Variants in CLSTN2 observed in about 807,000 individuals in gnomAD.
CLSTN2 encodes calsyntenin 2.
Under a neutral mutation model 101.2 loss-of-function variants are expected in CLSTN2, and 48 were observed. The ratio of observed to expected loss-of-function variants is 0.47; its 90% CI spans 0.38 to 0.60. The LOEUF (loss-of-function observed/expected upper bound fraction) is 0.60, where lower values mean the gene tolerates loss of function less well. CLSTN2 is among the 20% of genes least tolerant of loss of function. The pLI is 0.00. For missense variants in CLSTN2, 1,160 were observed against 1,238.2 expected (o/e 0.94, Z 0.95); for synonymous variants, 481 against 463.6 (o/e 1.04, Z -0.48).
Position 140,245,101 on chromosome 3 carries a change from C to G in CLSTN2, c.232+69028C>G, listed in dbSNP as rs557824187. On this transcript the variant is annotated intron_variant, in intron 2 of 16. Transcript: ENST00000458420. ...TTCGGGAGACCCTGATCTAGTTATTCTGGTATGTGTGGCATCTGTCTTCTA... is the reference window on the plus strand; with the variant it reads ...TTCGGGAGACCCTGATCTAGTTATTGTGGTATGTGTGGCATCTGTCTTCTA... Among the ~76,000 whole-genome samples the G allele has an allele frequency of 1.7e-4, 26 of 152,248 alleles. No individual in the cohort carries two copies. In the East Asian group the frequency reaches 2.1e-3, roughly 12 times the overall value.
At chr3:140,222,999 A>G (rs1023513434) in intron 2 of CLSTN2, among the ~76,000 whole-genome samples, 9 of 152,162 alleles carry the variant, frequency 5.9e-5, no homozygotes, top group Non-Finnish European at 1.3e-4. Context: ...GATATGGGGA[A>G]ACTGAAACCC....
intron 10 of CLSTN2, among the ~76,000 whole-genome samples, chr3:140,550,202 C>T (rs552709233): frequency 2.6e-5 from 4 of 151,718 alleles, no homozygotes; most frequent in South Asian, 2.1e-4. Flanking sequence ...TAGGTGTTTA[C>T]GTTTTTTTCT....
At chr3:139,999,265 C>T (rs1045222725) in intron 1 of CLSTN2, among the ~76,000 whole-genome samples, 1 of 152,162 alleles carries the variant, frequency 6.6e-6, no homozygotes, top group East Asian at 1.9e-4. Flanking sequence ...TCCCTCCCTC[C>T]CTTTCCAGTA....
chr3:140,180,673 T>C (rs1239574542), intron 2 of CLSTN2, among the ~76,000 whole-genome samples: 1 of 152,136 alleles, frequency 6.6e-6, no homozygotes, highest in African/African-American at 2.4e-5. Context: ...TGCTCATTTG[T>C]CTACATTGGG....
intron 2 of CLSTN2, among the ~76,000 whole-genome samples, chr3:140,219,960 G>A (rs1317364237): frequency 6.6e-6 from 1 of 152,114 alleles, no homozygotes; most frequent in Non-Finnish European, 1.5e-5. Flanking sequence ...AACCCCAGGA[G>A]GAATATCCCC....
intron 1 of CLSTN2, among the ~76,000 whole-genome samples, chr3:140,098,759 G>A (rs1363508692): frequency 6.6e-6 from 1 of 152,172 alleles, no homozygotes; most frequent in African/African-American, 2.4e-5. Context: ...TTATTCTATG[G>A]GATCTGAGTT....
At chr3:140,272,451 T>C (rs2086751338) in intron 2 of CLSTN2, among the ~76,000 whole-genome samples, 1 of 152,176 alleles carries the variant, frequency 6.6e-6, no homozygotes, top group African/African-American at 2.4e-5. Flanking sequence ...AGTAAGGTTA[T>C]AATAATTAGA....
At chr3:140,390,654 C>CTTCAA (rs1207456692) in intron 2 of CLSTN2, among the ~76,000 whole-genome samples, 1 of 152,174 alleles carries the variant, frequency 6.6e-6, no homozygotes, top group Non-Finnish European at 1.5e-5. Flanking sequence ...TTCTTGATCA[C>CTTCAA]TTCATGCCTT....
At chr3:139,969,276 T>A (rs1317421200) in intron 1 of CLSTN2, among the ~76,000 whole-genome samples, 1 of 152,318 alleles carries the variant, frequency 6.6e-6, no homozygotes, top group East Asian at 1.9e-4. Flanking sequence ...TTGTCCAATC[T>A]GCCATCCCAA....
At chr3:140,319,898 G>A (rs1016416999) in intron 2 of CLSTN2, among the ~76,000 whole-genome samples, 1 of 152,242 alleles carries the variant, frequency 6.6e-6, no homozygotes, top group Non-Finnish European at 1.5e-5. Flanking sequence ...CAGAGAAAAG[G>A]CTGCTCTTGC....
At chr3:140,446,645 G>A (rs6439920) in intron 5 of CLSTN2, among the ~76,000 whole-genome samples, 74,452 of 151,958 alleles carry the variant, frequency 0.49, 20,479 homozygotes, top group African/African-American at 0.75. Flanking sequence ...TTCCTTGATG[G>A]GATGCCTGAG....
At chr3:140,204,649 T>C (rs1576466284) in intron 2 of CLSTN2, among the ~76,000 whole-genome samples, 2 of 146,148 alleles carry the variant, frequency 1.4e-5, no homozygotes, top group South Asian at 4.1e-4. Context: ...GAACTAAAGG[T>C]AACAGTGTGA....
At chr3:140,484,181 T>C (rs2107753411) in intron 8 of CLSTN2, among the ~76,000 whole-genome samples, 1 of 152,348 alleles carries the variant, frequency 6.6e-6, no homozygotes, top group South Asian at 2.1e-4. Context: ...TCTCTCAGCA[T>C]TTGCTTGTCT....
intron 2 of CLSTN2, among the ~76,000 whole-genome samples, chr3:140,191,933 G>T (rs2010571230): frequency 6.6e-6 from 1 of 151,742 alleles, no homozygotes; most frequent in Admixed American, 6.6e-5. Flanking sequence ...TAAGGTGGGA[G>T]CTTTGATTAT....
chr3:140,480,197 T>C (rs1486174261), intron 8 of CLSTN2, among the ~76,000 whole-genome samples: 1 of 152,050 alleles, frequency 6.6e-6, no homozygotes, highest in Non-Finnish European at 1.5e-5. Flanking sequence ...CATGCAGTGT[T>C]TGGTTTTTTC....
chr3:140,111,498 C>A (rs1290206759), intron 1 of CLSTN2, among the ~76,000 whole-genome samples: 1 of 152,146 alleles, frequency 6.6e-6, no homozygotes, highest in Non-Finnish European at 1.5e-5. Context: ...GGAGCAGAGT[C>A]TCTGTTTAGG....
intron 16 of CLSTN2, among the ~76,000 whole-genome samples, chr3:140,564,643 G>C (rs912180143): frequency 2.0e-5 from 3 of 152,176 alleles, no homozygotes; most frequent in African/African-American, 7.2e-5. Flanking sequence ...ATACTGTATA[G>C]AGTGCTCTAT....
At position 140,030,314 on chromosome 3, in the gene CLSTN2, A is replaced by G. The variant is rs1348740963; in HGVS notation, c.109+94831A>G. Among the ~76,000 whole-genome samples, 3 of 151,924 alleles carry G rather than the reference A, an allele frequency of 2.0e-5. No homozygotes were observed. In the East Asian group the frequency reaches 5.8e-4, roughly 29 times the overall value. On this transcript the variant is annotated intron_variant, in intron 1 of 16. Coordinates refer to ENST00000458420, the MANE Select transcript of CLSTN2 (RefSeq NM_022131.3). ...AGTTGGGTAGCTTCCCCAATGTTATACCTCTGGTGTGAGTAGAATATACTT... is the reference window on the plus strand; with the variant it reads ...AGTTGGGTAGCTTCCCCAATGTTATGCCTCTGGTGTGAGTAGAATATACTT...
chr3:140,543,395 A>G (rs1193040423), intron 9 of CLSTN2, among the ~76,000 whole-genome samples: 1 of 152,254 alleles, frequency 6.6e-6, no homozygotes, highest in Non-Finnish European at 1.5e-5. Flanking sequence ...GGCCATCTCA[A>G]CTAATTCCTC....
Sources: allele counts gnomAD v4.1 joint callset (sites outside exome capture counted in the v4.1 genomes callset), GRCh38; gene constraint gnomAD v4.1.1; transcripts MANE v1.5; gene names NCBI Gene and HGNC (gene_info 2026-07-23, HGNC 2026-07-21).